Variants in ABCC6 observed in about 807,000 individuals in gnomAD.
The protein encoded by ABCC6 is ATP-binding cassette sub-family C member 6.
ABCC6 carries 126 observed loss-of-function variants against 169.5 expected under a neutral mutation model. That is an observed-to-expected ratio of 0.74 (90% CI 0.64 to 0.86). The LOEUF is 0.86. Ranked by LOEUF, ABCC6 falls within the 40% of genes least tolerant of loss-of-function variation. The pLI is 0.00. For missense variants in ABCC6, 1,733 were observed against 1,927.2 expected, an observed-to-expected ratio of 0.90 and a Z score of 1.89; for synonymous variants, 752 against 814.7, an observed-to-expected ratio of 0.92 and a Z score of 1.31.
chr16:16,153,700 T>A (rs537266194), intron 29 of ABCC6, among the ~76,000 whole-genome samples: 1 of 151,776 alleles, frequency 6.6e-6, no homozygotes, highest in Admixed American at 6.6e-5. Flanking sequence ...CTACGCAAGT[T>A]CGACTGTAGC....
intron 29 of ABCC6, among the ~76,000 whole-genome samples, chr16:16,153,914 G>GA (rs75783374): frequency 0.011 from 1,208 of 105,652 alleles, 6 homozygotes; most frequent in Non-Finnish European, 0.015. Context: ...CAAAGAAAAA[G>GA]AAAAAAAAAA....
intron 4 of ABCC6, 76 bp from the exon 5 acceptor site, chr16:16,214,525 T>G (rs1248891656): frequency 1.7e-5 from 26 of 1,550,350 alleles, no homozygotes; most frequent in African/African-American, 1.1e-4. Flanking sequence ...TTTCTGATCT[T>G]GGGTCAGTGC....
At chr16:16,214,599 A>C in intron 4 of ABCC6, 150 bp from the exon 5 acceptor site, 1 of 1,440,650 alleles carries the variant, frequency 6.9e-7, no homozygotes, top group Non-Finnish European at 9.2e-7. Flanking sequence ...AGTGGTTCTA[A>C]TTTTCTTTCT....
At chr16:16,185,222 C>T (rs212074) in intron 14 of ABCC6, among the ~76,000 whole-genome samples, 188 bp from the exon 15 acceptor site, 77,105 of 152,036 alleles carry the variant, frequency 0.51, 19,999 homozygotes, top group Non-Finnish European at 0.56. Context: ...TTGTTCTGTC[C>T]GTGTCCCATG....
intron 6 of ABCC6, among the ~76,000 whole-genome samples, chr16:16,209,875 C>T (rs1289641399): frequency 6.6e-6 from 1 of 152,034 alleles, no homozygotes; most frequent in African/African-American, 2.4e-5. Flanking sequence ...GGACTACAGG[C>T]GTAAGCCACC....
At chr16:16,189,642 T>C (rs2047775859) in intron 12 of ABCC6, among the ~76,000 whole-genome samples, 1 of 152,166 alleles carries the variant, frequency 6.6e-6, no homozygotes, top group African/African-American at 2.4e-5. Context: ...GGTCTTGAAC[T>C]CCTGACCTCA....
At chr16:16,198,313 A>G (rs888545392) in intron 9 of ABCC6, 131 bp from the exon 10 acceptor site, 6 of 931,608 alleles carry the variant, frequency 6.4e-6, no homozygotes, top group Admixed American at 5.0e-5. Flanking sequence ...TCTTAGGCCA[A>G]CCTCTCAGGG....
rs879274205 is a variant in ABCC6 at position 16,203,567 on chromosome 16, T to C, written c.841A>G (p.Lys281Glu). Residue 281 changes from lysine (K) to glutamate (E), a missense_variant, in exon 8 of 31, where the codon AAG (lysine) becomes GAG (glutamate). By Grantham distance (56) the Lys-to-Glu change is moderately conservative. Coordinates refer to ENST00000205557, the MANE Select transcript of ABCC6 (RefSeq NM_001171.6). ...AGGAAGGGCTCGGTCTCTGGAGCCTTCATGCCACTGCCGCCTTTCCTTTTA... is the reference window on the plus strand; with the variant it reads ...AGGAAGGGCTCGGTCTCTGGAGCCTCCATGCCACTGCCGCCTTTCCTTTTA... ...AFKRKGGSGM[K>E]APETEPFLRQ... 2.6e-5 allele frequency: 42 copies of C among 1,613,994 alleles called. No individual in the cohort carries two copies. Among genetic ancestry groups the C allele is most frequent in the Middle Eastern group, 3.3e-4 (2 of 6,056 alleles).
intron 23 of ABCC6, 100 bp from the exon 24 acceptor site, chr16:16,163,292 G>A: frequency 2.6e-6 from 3 of 1,166,424 alleles, no homozygotes; most frequent in Non-Finnish European, 3.7e-6. Flanking sequence ...TCCAGACCAG[G>A]ATCTGTTAAC....
In ABCC6 at chr16:16,159,464, C is replaced by T. The variant is rs562368920; in HGVS notation, c.3735+18G>A. 51 of 1,612,550 alleles carry T rather than the reference C, an allele frequency of 3.2e-5. No individual in the cohort carries two copies. The South Asian group carries it at 5.2e-4, about 16-fold the overall frequency. ...ATATGTCCTTGCTGGGACCCCCTCCCCACCTCCCGCCCATCACCTCCTTGG... is the reference window on the plus strand; with the variant it reads ...ATATGTCCTTGCTGGGACCCCCTCCTCACCTCCCGCCCATCACCTCCTTGG... On this transcript the variant is annotated intron_variant, in intron 26 of 30. Coordinates refer to ENST00000205557, the MANE Select transcript of ABCC6 (RefSeq NM_001171.6).
chr16:16,150,901 T>G, intron 29 of ABCC6, 129 bp from the exon 30 acceptor site: 1 of 1,507,628 alleles, frequency 6.6e-7, no homozygotes, highest in African/African-American at 1.4e-5. Flanking sequence ...TCCCCACACA[T>G]GGGGTCTGGG....
At position 16,192,893 on chromosome 16, in the gene ABCC6, G is replaced by C. The variant is rs141309818; in HGVS notation, c.1368C>G (p.Ile456Met). ...GAGGGAGGAGGCTCAGGAAGACAGC[G>C]ATGGCAGTGAGGGCGGAGGGCCCCA... is the stretch of plus-strand genomic sequence containing the variant. ...QLLGPSALTA[I>M]AVFLSLLPLN... The change falls in exon 11 of 31, where the codon ATC becomes ATG. Residue 456 changes from isoleucine to methionine, a missense_variant. By Grantham distance (10) the Ile-to-Met change is conservative. Transcript: ENST00000205557. 82 of 1,614,036 alleles carry C rather than the reference G, an allele frequency of 5.1e-5. No individual in the cohort carries two copies. Among genetic ancestry groups the C allele is most frequent in the Non-Finnish European group, 6.9e-5 (81 of 1,180,026 alleles).
chr16:16,159,723 A>T, intron 25 of ABCC6, 140 bp from the exon 26 acceptor site: 1 of 741,072 alleles, frequency 1.3e-6, no homozygotes, highest in Non-Finnish European at 2.4e-6. Flanking sequence ...CAGTCTGAGG[A>T]CCTGGGCCCA....
chr16:16,190,928 G>A (rs1382904961), intron 11 of ABCC6, among the ~76,000 whole-genome samples: 1 of 139,712 alleles, frequency 7.2e-6, no homozygotes, highest in Non-Finnish European at 1.6e-5. Flanking sequence ...GTGGGGGCTG[G>A]GGGGTAGGGG....
At chr16:16,159,036 T>C (rs2046632939) in intron 26 of ABCC6, among the ~76,000 whole-genome samples, 1 of 152,274 alleles carries the variant, frequency 6.6e-6, no homozygotes, top group African/African-American at 2.4e-5. Flanking sequence ...ATAATGTCTC[T>C]ATTATGTTAC....
At chr16:16,196,145 G>C (rs1175848555) in intron 10 of ABCC6, among the ~76,000 whole-genome samples, 1 of 150,072 alleles carries the variant, frequency 6.7e-6, no homozygotes, top group African/African-American at 2.5e-5. Context: ...GGGAGGTGGA[G>C]GTTGCAGTGA....
chr16:16,196,071 G>A (rs1410911038), intron 10 of ABCC6, among the ~76,000 whole-genome samples: 1 of 151,980 alleles, frequency 6.6e-6, no homozygotes, highest in Non-Finnish European at 1.5e-5. Context: ...TTAGCCAGAT[G>A]TTGTGGTGCA....
intron 15 of ABCC6, among the ~76,000 whole-genome samples, chr16:16,183,749 TAG>T (rs999235188): frequency 1.3e-5 from 2 of 151,944 alleles, no homozygotes; most frequent in African/African-American, 4.8e-5. Flanking sequence ...ATCTAGTGGG[TAG>T]AGACTGGGGT....
intron 21 of ABCC6, 100 bp downstream of exon 21, chr16:16,173,171 TAGGTGCTCAAGAA>T: frequency 6.9e-7 from 1 of 1,439,536 alleles, no homozygotes; most frequent in East Asian, 2.3e-5. Flanking sequence ...TGGCACATAG[TAGGTGCTCAAGAA>T]AGGTGAGTAT....
Sources: gnomAD v4.1 joint callset for allele counts (sites outside exome capture counted in the v4.1 genomes callset) on GRCh38, gnomAD v4.1.1 for gene constraint, MANE v1.5 for transcripts, NCBI Gene and HGNC (gene_info 2026-07-23, HGNC 2026-07-21) for gene names.